ABCG5: variants seen among roughly 807,000 people sequenced by gnomAD.
The protein encoded by ABCG5 is ATP-binding cassette sub-family G member 5.
ABCG5 carries 64 observed loss-of-function variants against 64.5 expected under a neutral mutation model. That is an observed-to-expected ratio of 0.99 (90% CI 0.81 to 1.22). The LOEUF (loss-of-function observed/expected upper bound fraction) is 1.22, where lower values mean the gene tolerates loss of function less well. Ranked by LOEUF, ABCG5 falls within the 50% of genes most tolerant of loss-of-function variation. ABCG5 has a pLI of 0.00. For synonymous variants in ABCG5, 385 were observed against 326.3 expected (o/e 1.18, Z -1.94); for missense variants, 908 against 829.5 (o/e 1.09, Z -1.16).
In ABCG5 at chr2:43,838,650, T is replaced by A. The variant is rs773823116; in HGVS notation, c.30A>T (p.Gly10=). MGDLSSLTP[G]GSMGLQVNRG... ...TGTTTACTTGGAGACCCATGGACCCTCCGGGGGTCAAAGATGAGAGGTCAC... is the reference window on the plus strand; with the variant it reads ...TGTTTACTTGGAGACCCATGGACCCACCGGGGGTCAAAGATGAGAGGTCAC... Residue 10 remains glycine, a synonymous_variant, in exon 1 of 13, where the codon GGA becomes GGT. Transcript: ENST00000405322. This position sits in a 1 kb window ranked among gnomAD's most constrained non-coding sequence, Gnocchi z 4.2. 3 of 1,613,624 alleles carry A rather than the reference T, an allele frequency of 1.9e-6. No homozygotes were observed. The highest frequency in any genetic ancestry group is 2.5e-6 in the Non-Finnish European group (3 of 1,179,958).
rs1667612597 is a variant in ABCG5, at chr2:43,826,482, C to T, written c.674G>A (p.Cys225Tyr). The T allele has an allele frequency of 2.5e-6, 4 of 1,614,068 alleles. No homozygotes were observed. The highest frequency in any genetic ancestry group is 3.4e-6 in the Non-Finnish European group (4 of 1,180,042). The part of the protein sequence containing the change: ...LFDEPTTGLD[C>Y]MTANQIVVLL... The stretch of plus-strand genomic sequence containing the variant: ...GACGACAATCTGATTAGCAGTCATG[C>T]AGTCCAGGCCTGTGGTTGGCTCATC... Residue 225 changes from cysteine (C) to tyrosine (Y), a missense_variant, in exon 6 of 13, where the codon TGC (cysteine) becomes TAC (tyrosine). Coordinates refer to ENST00000405322, the MANE Select transcript of ABCG5 (RefSeq NM_022436.3).
upstream of ABCG5, chr2:43,839,116 G>A (rs574659773): frequency 1.9e-5 from 29 of 1,551,178 alleles, no homozygotes; most frequent in South Asian, 2.9e-4. Flanking sequence ...AGGATACCTC[G>A]GTGAGTGAGC....
intron 11 of ABCG5, among the ~76,000 whole-genome samples, chr2:43,819,061 G>A (rs1667026753): frequency 6.6e-6 from 1 of 152,144 alleles, no homozygotes; most frequent in Non-Finnish European, 1.5e-5. Context: ...TGCTCTGAGA[G>A]TTAAATAATT....
At position 43,820,096 on chromosome 2, in the gene ABCG5, G is replaced by C; in HGVS notation, c.1468C>G (p.Leu490Val). ...CGGGCAACCTCAGGATGTAAGCCCA[G>C]CGTCCTAGAAAAGCATAAGCTCTTT... ...MIFSSVCYWT[L>V]GLHPEVARFG... The change falls in exon 11 of 13, where the codon CTG becomes GTG. Residue 490 changes from leucine to valine, a missense_variant. By Grantham distance (32) the Leu-to-Val change is conservative. Transcript: ENST00000405322. The C allele has an allele frequency of 6.8e-6, 11 of 1,613,704 alleles. No individual in the cohort carries two copies. Among genetic ancestry groups the C allele is most frequent in the Non-Finnish European group, 9.3e-6 (11 of 1,179,802 alleles).
chr2:43,824,699 A>T lies in ABCG5; in HGVS notation c.904+190T>A, dbSNP rs1440508014. 5 of 945,522 alleles carry T rather than the reference A, an allele frequency of 5.3e-6. 1 individual carries two copies. The Middle Eastern group carries it at 2.2e-3, about 412-fold the overall frequency. 58.6% of individuals were successfully genotyped at this position (945,522 alleles called of 1,614,324 possible). A position where few individuals can be genotyped will look rare whatever the true frequency, so the allele number is the denominator to read the frequency against. On this transcript the variant is annotated intron_variant, in intron 7 of 12. Transcript: ENST00000405322. ...CAGTGCGCCAGTTTGTTTGAGAGAGATCCCTGACCTCATTCTGATAGTCAT... is the reference window on the plus strand; with the variant it reads ...CAGTGCGCCAGTTTGTTTGAGAGAGTTCCCTGACCTCATTCTGATAGTCAT...
downstream of ABCG5, chr2:43,809,757 T>C: frequency 1.9e-6 from 3 of 1,611,818 alleles, no homozygotes; most frequent in Non-Finnish European, 2.5e-6. Context: ...CAAATCGAGC[T>C]TGATTCTTGA....
chr2:43,831,624 G>T, intron 4 of ABCG5, 145 bp downstream of exon 4: 1 of 789,804 alleles, frequency 1.3e-6, no homozygotes, highest in Non-Finnish European at 2.1e-6. Context: ...AGCACAGGGT[G>T]CACGGTGCAG....
Position 43,823,978 on chromosome 2 carries a change from A to C in ABCG5, c.1259T>G (p.Val420Gly), listed in dbSNP as rs773630787. 98 of 1,614,230 alleles carry C rather than the reference A, an allele frequency of 6.1e-5. 2 individuals are homozygous for C. The South Asian group carries it at 1.0e-3, about 17-fold the overall frequency. The change falls in exon 9 of 13, where the codon GTA becomes GGA. Residue 420 changes from valine to glycine, a missense_variant. By Grantham distance (109) the Val-to-Gly change is moderately radical. Transcript: ENST00000405322. ...NVLKGAIQDR[V>G]GLLYQFVGAT... ...GCCCACAAACTGGTAAAGGAGACCT[A>C]CGCGGTCCTGGATAGCACCCTTTAG...
chr2:43,833,654 G>C (rs572810433), intron 2 of ABCG5, among the ~76,000 whole-genome samples: 1 of 151,436 alleles, frequency 6.6e-6, no homozygotes, highest in Non-Finnish European at 1.5e-5. Flanking sequence ...AAAGTGCTGG[G>C]ATTACAGGCG....
chr2:43,838,397 C>G lies in ABCG5; in HGVS notation c.143+140G>C, dbSNP rs1311685045. ...GTTTCCCAGCACAGCCCTTCTCCCT[C>G]TCCTCTCTCCACCCGATCCACTAAA... On this transcript the variant is annotated intron_variant, in intron 1 of 12. Transcript: ENST00000405322. The surrounding 1 kb of genome is among the most constrained non-coding windows in gnomAD (Gnocchi z 4.2). 3 of 798,202 alleles carry G rather than the reference C, an allele frequency of 3.8e-6. No individual in the cohort carries two copies. Among genetic ancestry groups the G allele is most frequent in the African/African-American group, 1.7e-5 (1 of 57,792 alleles). The allele number at this position is 798,202 out of a possible 1,614,324, so 49.4% of individuals were successfully genotyped here.
At chr2:43,836,068 C>A (rs970406776) in intron 2 of ABCG5, among the ~76,000 whole-genome samples, 1 of 152,036 alleles carries the variant, frequency 6.6e-6, no homozygotes, top group Non-Finnish European at 1.5e-5. Flanking sequence ...TCCCGAGTAG[C>A]TGGGATTACA....
At chr2:43,817,854 G>A (rs1312635186) in intron 11 of ABCG5, among the ~76,000 whole-genome samples, 3 of 151,982 alleles carry the variant, frequency 2.0e-5, no homozygotes, top group Non-Finnish European at 4.4e-5. Flanking sequence ...AGGTTACAGT[G>A]AGCCGAGATC....
chr2:43,824,480 G>T (rs551472825), intron 7 of ABCG5, 48 bp from the exon 8 acceptor site: 1 of 1,604,258 alleles, frequency 6.2e-7, no homozygotes, highest in Non-Finnish European at 8.5e-7. Flanking sequence ...TTAAATGCAT[G>T]TATGTACATG....
At chr2:43,833,443 C>T (rs1558768200) in intron 2 of ABCG5, among the ~76,000 whole-genome samples, 2 of 151,152 alleles carry the variant, frequency 1.3e-5, no homozygotes, top group South Asian at 2.1e-4. Flanking sequence ...AGTGCAGTGG[C>T]GCAGTCTCGG....
At chr2:43,837,056 C>T (rs939852956) in intron 2 of ABCG5, among the ~76,000 whole-genome samples, 21 of 149,904 alleles carry the variant, frequency 1.4e-4, no homozygotes, top group African/African-American at 2.2e-4. Context: ...AAAAGAAAAA[C>T]GACCAGATAA....
At chr2:43,831,329 C>T (rs1356462178) in intron 4 of ABCG5, among the ~76,000 whole-genome samples, 7 of 152,056 alleles carry the variant, frequency 4.6e-5, no homozygotes, top group East Asian at 1.9e-4. Flanking sequence ...CACATCACCA[C>T]GTCCAACTAA....
rs200378113 is a variant in ABCG5, at chr2:43,822,894, C to T, written c.1366G>A (p.Gly456Ser). 1.2e-4 allele frequency: 198 copies of T among 1,614,072 alleles called. 1 individual carries two copies. The South Asian group carries it at 1.9e-3, about 16-fold the overall frequency. Residue 456 changes from glycine (G) to serine (S), a missense_variant, in exon 10 of 13, where the codon GGC (glycine) becomes AGC (serine). Transcript: ENST00000405322. ...ATCATCTGCCACTTCTGGTAGAGGC[C>T]GTCCTGACTCTCCTGGTCGCTGACA... ...RAVSDQESQDGLYQKWQMMLA... is the reference protein window; with the variant it reads ...RAVSDQESQDSLYQKWQMMLA...
chr2:43,838,523 G>A lies in ABCG5; in HGVS notation c.143+14C>T, dbSNP rs1314530881. 6.3e-7 allele frequency: 1 copy of A among 1,592,206 alleles called. No homozygotes were observed. The highest frequency in any genetic ancestry group is 1.3e-5 in the African/African-American group (1 of 74,496). Reference sequence around the variant, plus strand: ...ACTCCTGGGGGAGCAGCAGCAGCAAGGGCTCTGCCTTACCTGACGCTGTAG... The same window carrying A: ...ACTCCTGGGGGAGCAGCAGCAGCAAAGGCTCTGCCTTACCTGACGCTGTAG... On this transcript the variant is annotated intron_variant, in intron 1 of 12. Transcript: ENST00000405322. This position sits in a 1 kb window ranked among gnomAD's most constrained non-coding sequence, Gnocchi z 4.2.
intron 2 of ABCG5, among the ~76,000 whole-genome samples, chr2:43,832,818 T>A (rs896693627): frequency 6.6e-6 from 1 of 152,170 alleles, no homozygotes; most frequent in African/African-American, 2.4e-5. Context: ...GGTTTGCTTT[T>A]TTCTTGAGTG....
Sources: allele counts gnomAD v4.1 joint callset (sites outside exome capture counted in the v4.1 genomes callset), GRCh38; gene constraint gnomAD v4.1.1; non-coding constraint Gnocchi (gnomAD v3.1); transcripts MANE v1.5; gene names NCBI Gene and HGNC (gene_info 2026-07-23, HGNC 2026-07-21).